Variants in XPC observed in about 807,000 individuals in gnomAD.
The protein encoded by XPC is DNA repair protein complementing XP-C cells.
In XPC, 76 loss-of-function variants were observed where a neutral mutation model predicts 95.8. That is an observed-to-expected ratio of 0.79 (90% CI 0.66 to 0.96). The LOEUF (loss-of-function observed/expected upper bound fraction) is 0.96. Ranked by LOEUF, XPC falls within the 40% of genes least tolerant of loss-of-function variation. The pLI is 0.00. For synonymous variants in XPC, 442 were observed against 442.1 expected (o/e 1.00, Z 0.00); for missense variants, 1,146 against 1,179.8 (o/e 0.97, Z 0.42).
At chr3:14,163,478 C>T (rs1696244534) in intron 7 of XPC, among the ~76,000 whole-genome samples, 1 of 152,172 alleles carries the variant, frequency 6.6e-6, no homozygotes, top group Non-Finnish European at 1.5e-5. Flanking sequence ...AAACATTATA[C>T]TAAGCAAAAG....
chr3:14,159,851 A>G (rs1270242627), intron 7 of XPC, 21 bp from the exon 8 acceptor site: 5 of 1,544,370 alleles, frequency 3.2e-6, no homozygotes, highest in African/African-American at 1.4e-5. Context: ...AAGGAAGAAC[A>G]TAGTTATCCT....
intron 13 of XPC, chr3:14,148,204 C>A: frequency 1.7e-6 from 1 of 588,902 alleles, no homozygotes; most frequent in Non-Finnish European, 3.0e-6. Context: ...CAGATTCTGC[C>A]GAAGAAAGCT....
chr3:14,170,758 C>A lies in XPC; in HGVS notation c.300-208G>T, dbSNP rs2290711. The A allele has an allele frequency of 0.049, 20,157 of 409,682 alleles. 1,623 individuals carry two copies. The highest frequency in any genetic ancestry group is 0.2 in the East Asian group (5,369 of 26,566). 25.4% of individuals were successfully genotyped at this position (409,682 alleles called of 1,614,324 possible). On this transcript the variant is annotated intron_variant, in intron 2 of 15. Transcript: ENST00000285021. ...TGTGCTCTGATCATCTGTCTAATTA[C>A]TACCAGATGTGCTGTTAAAAAACCT...
At chr3:14,168,469 G>T in intron 3 of XPC, 89 bp from the exon 4 acceptor site, 2 of 1,507,092 alleles carry the variant, frequency 1.3e-6, no homozygotes, top group South Asian at 1.2e-5. Flanking sequence ...TGCTGGGAAG[G>T]AGGAAGTGAG....
In XPC at chr3:14,170,354, C is replaced by T. The variant is rs1299512405; in HGVS notation, c.412+84G>A. 6.3e-6 allele frequency: 8 copies of T among 1,272,342 alleles called. No individual in the cohort carries two copies. The African/African-American group carries it at 1.0e-4, about 16-fold the overall frequency. 78.8% of individuals were successfully genotyped at this position (1,272,342 alleles called of 1,614,324 possible). On this transcript the variant is annotated intron_variant, in intron 3 of 15. Coordinates refer to ENST00000285021, the MANE Select transcript of XPC (RefSeq NM_004628.5). Reference sequence around the variant, plus strand: ...AGCTCAAAAGAAAACAAAAGGATTGCAATTAGTGATCTGACTCCAAACAGA... The same window carrying T: ...AGCTCAAAAGAAAACAAAAGGATTGTAATTAGTGATCTGACTCCAAACAGA...
intron 7 of XPC, among the ~76,000 whole-genome samples, chr3:14,160,640 C>G (rs141669116): frequency 9.6e-4 from 147 of 152,332 alleles, no homozygotes; most frequent in African/African-American, 3.4e-3. Flanking sequence ...CACTGTCACA[C>G]ACTGGAGGAG....
At chr3:14,150,084 A>G (rs1449130139) in intron 11 of XPC, 1 of 152,266 alleles carries the variant, frequency 6.6e-6, no homozygotes, top group Non-Finnish European at 1.5e-5. Context: ...GTCTGCTCAC[A>G]CGCCCTAGAA....
In XPC at chr3:14,178,548, G is replaced by C. The variant is rs1038581012; in HGVS notation, c.21C>G (p.Ala7=). 1 of 1,613,066 alleles carries C rather than the reference G, an allele frequency of 6.2e-7. No homozygotes were observed. Among genetic ancestry groups the C allele is most frequent in the Non-Finnish European group, 8.5e-7 (1 of 1,179,616 alleles). The part of the protein sequence containing the change: MARKRA[A]GGEPRGRELR... ...GTTCGCGTCCCCGCGGCTCCCCGCC[G>C]GCCGCGCGTTTCCGAGCCATGTTGC... Residue 7 remains alanine (A), a synonymous_variant, in exon 1 of 16, where the codon GCC becomes GCG. Transcript: ENST00000285021.
chr3:14,146,060 C>T lies in XPC; in HGVS notation c.2704G>A (p.Ala902Thr). 2.0e-5 allele frequency: 33 copies of T among 1,612,952 alleles called. No homozygotes were observed. Among genetic ancestry groups the T allele is most frequent in the Non-Finnish European group, 2.8e-5 (33 of 1,179,588 alleles). The stretch of plus-strand genomic sequence containing the variant: ...TCTTCTCGGTTTTGAGGCCAGGAGG[C>T]AGCCAGTATCCTGGCCGCTTCTGCT... ...SQAEAARILA[A>T]SWPQNREDEE... The change falls in exon 16 of 16, where the codon GCC becomes ACC. Residue 902 changes from alanine to threonine, a missense_variant. Transcript: ENST00000285021.
chr3:14,150,528 C>CA (rs1403694941), intron 11 of XPC, among the ~76,000 whole-genome samples: 3 of 152,208 alleles, frequency 2.0e-5, no homozygotes, highest in Non-Finnish European at 2.9e-5. Flanking sequence ...AGAAGCCATT[C>CA]ACCCAGCACA....
At chr3:14,146,304 A>G in intron 15 of XPC, 145 bp from the exon 16 acceptor site, 1 of 743,544 alleles carries the variant, frequency 1.3e-6, no homozygotes, top group South Asian at 1.8e-5. Flanking sequence ...GCAGGGAGAG[A>G]GCCCAGACCC....
chr3:14,175,743 T>C (rs1696790163), intron 1 of XPC, among the ~76,000 whole-genome samples: 1 of 152,236 alleles, frequency 6.6e-6, no homozygotes, highest in South Asian at 2.1e-4. Context: ...CATTTGCATG[T>C]ACAGGGGTGC....
chr3:14,166,250 T>C (rs1465229389), intron 5 of XPC, among the ~76,000 whole-genome samples: 1 of 152,010 alleles, frequency 6.6e-6, no homozygotes, highest in East Asian at 1.9e-4. Context: ...GTGCTGCCTC[T>C]CTCTCCTCAC....
chr3:14,158,507 T>C lies in XPC; in HGVS notation c.1376A>G (p.Asp459Gly). 1.2e-6 allele frequency: 2 copies of C among 1,612,168 alleles called. No homozygotes were observed. The highest frequency in any genetic ancestry group is 1.7e-6 in the Non-Finnish European group (2 of 1,178,840). ...SGEASDPSDE[D>G]SEPGPPKQRK... Reference sequence around the variant, plus strand: ...CTGCTTTGGAGGGCCAGGTTCGGAATCCTCATCAGAGGGATCAGAGGCTTC... The same window carrying C: ...CTGCTTTGGAGGGCCAGGTTCGGAACCCTCATCAGAGGGATCAGAGGCTTC... Residue 459 changes from aspartate (D) to glycine (G), a missense_variant, in exon 9 of 16, where the codon GAT (aspartate) becomes GGT (glycine). Asp to Gly is a moderately conservative substitution (Grantham distance 94). Coordinates refer to ENST00000285021, the MANE Select transcript of XPC (RefSeq NM_004628.5). This position sits in a 1 kb window ranked among gnomAD's most constrained non-coding sequence, Gnocchi z 5.2.
chr3:14,152,282 C>G, intron 11 of XPC, 53 bp downstream of exon 11: 1 of 1,531,008 alleles, frequency 6.5e-7, no homozygotes, highest in Middle Eastern at 1.7e-4. Context: ...CTCTCCCGCT[C>G]AGCTACAGGC....
chr3:14,164,567 G>A lies in XPC; in HGVS notation c.900+246C>T, dbSNP rs554049278. The A allele has an allele frequency of 6.0e-5, 24 of 399,230 alleles. No individual in the cohort carries two copies. In the East Asian group the frequency reaches 6.5e-4, roughly 11 times the overall value. The allele number at this position is 399,230 out of a possible 1,614,324, so 24.7% of individuals were successfully genotyped here. On this transcript the variant is annotated intron_variant, in intron 7 of 15. Coordinates refer to ENST00000285021, the MANE Select transcript of XPC (RefSeq NM_004628.5). ...TTTTTGGTACACCACAACTAGAGGC[G>A]ATAGGGAGGAAAGCATACAGGCCCT...
Position 14,145,919 on chromosome 3 carries a change from G to A in XPC, c.*22C>T, listed in dbSNP as rs1417640910. 1 of 1,593,292 alleles carries A rather than the reference G, an allele frequency of 6.3e-7. No individual in the cohort carries two copies. On this transcript the variant is annotated 3_prime_UTR_variant, in exon 16 of 16. Transcript: ENST00000285021. ...AGTGGGGCAGCAGCAACTGGTGGGTGCCCCTCTAGTGGGCGCTCAGCTCAC... is the reference window on the plus strand; with the variant it reads ...AGTGGGGCAGCAGCAACTGGTGGGTACCCCTCTAGTGGGCGCTCAGCTCAC...
At chr3:14,177,242 A>T (rs1262899569) in intron 1 of XPC, among the ~76,000 whole-genome samples, 2 of 152,232 alleles carry the variant, frequency 1.3e-5, no homozygotes, top group African/African-American at 4.8e-5. Context: ...CATAGTATCC[A>T]CATTGTATTA....
chr3:14,156,235 C>G (rs1695897717), intron 10 of XPC, 100 bp downstream of exon 10: 2 of 1,435,762 alleles, frequency 1.4e-6, no homozygotes, highest in Admixed American at 4.5e-5. Context: ...GAATGCTGTC[C>G]AGTCAGATGA....
Sources: gnomAD v4.1 joint callset for allele counts (sites outside exome capture counted in the v4.1 genomes callset) on GRCh38, gnomAD v4.1.1 for gene constraint, Gnocchi (gnomAD v3.1) non-coding constraint, MANE v1.5 for transcripts, NCBI Gene and HGNC (gene_info 2026-07-23, HGNC 2026-07-21) for gene names.